Variants in DLGAP2 observed in about 807,000 individuals in gnomAD.
The protein encoded by DLGAP2 is DLG associated protein 2.
Under a neutral mutation model 100.3 loss-of-function variants are expected in DLGAP2, and 26 were observed. That is an observed-to-expected ratio of 0.26 (90% CI 0.19 to 0.36). DLGAP2 has a LOEUF of 0.36. DLGAP2 is among the 10% of genes least tolerant of loss of function. The pLI, the probability that DLGAP2 is intolerant of heterozygous loss-of-function variation, is 1.00. For synonymous variants in DLGAP2, 886 were observed against 630.1 expected (o/e 1.41, Z -6.08); for missense variants, 1,858 against 1,453.2 (o/e 1.28, Z -4.53).
intron 3 of DLGAP2, among the ~76,000 whole-genome samples, chr8:1,308,918 A>T (rs1019874512): frequency 2.0e-5 from 3 of 151,714 alleles, no homozygotes; most frequent in Non-Finnish European, 4.4e-5. Flanking sequence ...GATCCAAATT[A>T]TTTTTTTTTA....
rs146284326 is a variant in DLGAP2, at chr8:1,616,898, C to T, written c.1443-9842C>T. ...TGATCCTCTCCCTCCTTCTAACCTC[C>T]AGGAGGCCCCAGTATGTGTAGTTTT... On this transcript the variant is annotated intron_variant, in intron 6 of 14. Transcript: ENST00000637795. Among the ~76,000 whole-genome samples the T allele has an allele frequency of 3.2e-3, 486 of 152,216 alleles. 4 individuals are homozygous for T. Among genetic ancestry groups the T allele is most frequent in the African/African-American group, 0.011 (449 of 41,528 alleles).
chr8:965,342 C>T (rs1329393533), intron 2 of DLGAP2, among the ~76,000 whole-genome samples: 4 of 99,938 alleles, frequency 4.0e-5, no homozygotes, highest in African/African-American at 8.6e-5. Flanking sequence ...GCACTGTTCA[C>T]CACACAGGGC....
chr8:1,213,291 G>C (rs995556686), intron 2 of DLGAP2, among the ~76,000 whole-genome samples: 1 of 152,100 alleles, frequency 6.6e-6, no homozygotes, highest in Non-Finnish European at 1.5e-5. Context: ...AAACTGAGGA[G>C]GCCCACATTT....
At chr8:1,647,352 C>T (rs938380811) in intron 8 of DLGAP2, among the ~76,000 whole-genome samples, 6 of 151,690 alleles carry the variant, frequency 4.0e-5, no homozygotes, top group African/African-American at 1.4e-4. Context: ...AGCCAGGCGT[C>T]GTGGTGGGTG....
intron 12 of DLGAP2, among the ~76,000 whole-genome samples, chr8:1,690,656 A>C (rs1799234633): frequency 7.5e-6 from 1 of 133,148 alleles, no homozygotes; most frequent in African/African-American, 2.8e-5. Context: ...GTGAGCCAGG[A>C]TTGCGCCACT....
Position 1,315,645 on chromosome 8 carries a change from A to G in DLGAP2, c.106+56762A>G, listed in dbSNP as rs370771407. ...CAGCTTTTAAAAATAGAGCGTGTGC[A>G]AGTACAGCGTCTCTCCAACAGTGGT... On this transcript the variant is annotated intron_variant, in intron 3 of 14. Transcript: ENST00000637795. Among the ~76,000 whole-genome samples, 103 of 95,210 alleles carry G rather than the reference A, an allele frequency of 1.1e-3. 2 individuals are homozygous for G. The highest frequency in any genetic ancestry group is 2.4e-3 in the African/African-American group (53 of 22,174). The allele number at this position is 95,210 out of a possible 152,430, so 62.5% of individuals were successfully genotyped here.
At chr8:1,272,918 T>G (rs912227354) in intron 3 of DLGAP2, among the ~76,000 whole-genome samples, 1 of 152,052 alleles carries the variant, frequency 6.6e-6, no homozygotes, top group African/African-American at 2.4e-5. Context: ...CATGACCACG[T>G]AAAAGGTGAA....
intron 3 of DLGAP2, among the ~76,000 whole-genome samples, chr8:1,472,249 A>T (rs532070867): frequency 9.2e-5 from 14 of 152,284 alleles, no homozygotes; most frequent in Admixed American, 2.0e-4. Context: ...GGGTTGAGCC[A>T]TGCGGTAGAG....
At chr8:744,467 C>T (rs1820565323) in intron 1 of DLGAP2, among the ~76,000 whole-genome samples, 1 of 152,218 alleles carries the variant, frequency 6.6e-6, no homozygotes, top group African/African-American at 2.4e-5. Context: ...CCAGCCCAAC[C>T]TGCGTCCCTC....
rs56237518 is a variant in DLGAP2 at position 1,179,547 on chromosome 8, C to G, written c.74-79304C>G. Among the ~76,000 whole-genome samples, 653 of 152,358 alleles carry G rather than the reference C, an allele frequency of 4.3e-3. 4 individuals carry two copies. Among genetic ancestry groups the G allele is most frequent in the African/African-American group, 0.013 (560 of 41,584 alleles). On this transcript the variant is annotated intron_variant, in intron 2 of 14. Coordinates refer to ENST00000637795, the MANE Select transcript of DLGAP2 (RefSeq NM_001346810.2). ...AGGCTTCCACCTCTCTCCAAGTTTC[C>G]TTTTACTCAAGACGGTGGAATTAAT... is the stretch of plus-strand genomic sequence containing the variant.
intron 3 of DLGAP2, among the ~76,000 whole-genome samples, chr8:1,464,235 C>CA (rs1563164743): frequency 2.3e-5 from 3 of 128,580 alleles, no homozygotes; most frequent in Non-Finnish European, 3.5e-5. Flanking sequence ...CCTTCCAGGA[C>CA]GACACCCTTC....
At chr8:1,061,285 G>A (rs960716290) in intron 2 of DLGAP2, among the ~76,000 whole-genome samples, 17 of 152,066 alleles carry the variant, frequency 1.1e-4, no homozygotes, top group Non-Finnish European at 1.9e-4. Context: ...AAATATGCCC[G>A]AACACCTGCC....
Position 1,346,693 on chromosome 8 carries a change from A to G in DLGAP2, c.106+87810A>G, listed in dbSNP as rs566064170. ...GAGTTCCCATACAGAGCTGCTTTAA[A>G]CTCATGGTAGCTGTGTGGAGGTTGA... On this transcript the variant is annotated intron_variant, in intron 3 of 14. Transcript: ENST00000637795. 2.4e-5 allele frequency among the ~76,000 whole-genome samples: 2 copies of G among 84,428 alleles called. 1 individual carries two copies. Among genetic ancestry groups the G allele is most frequent in the South Asian group, 7.2e-4 (2 of 2,784 alleles). The allele number at this position is 84,428 out of a possible 152,430, so 55.4% of individuals were successfully genotyped here. A position where few individuals can be genotyped will look rare whatever the true frequency, so the allele number is the denominator to read the frequency against.
At chr8:1,025,564 C>T (rs575873749) in intron 2 of DLGAP2, among the ~76,000 whole-genome samples, 10 of 152,118 alleles carry the variant, frequency 6.6e-5, no homozygotes, top group Non-Finnish European at 1.5e-4. Context: ...ATCGATATGG[C>T]GGAGAGCAGC....
chr8:1,352,192 CGGGTCCTG>C (rs1801747677), intron 3 of DLGAP2, among the ~76,000 whole-genome samples: 1 of 115,428 alleles, frequency 8.7e-6, no homozygotes, highest in Admixed American at 9.7e-5. Context: ...ATAGGCTGTG[CGGGTCCTG>C]ACTGTGTGTG....
chr8:1,656,424 T>C (rs1169427265), intron 8 of DLGAP2, among the ~76,000 whole-genome samples: 2 of 152,138 alleles, frequency 1.3e-5, no homozygotes, highest in African/African-American at 4.8e-5. Context: ...AATGTAGGCA[T>C]TTTCAATGGG....
chr8:1,218,555 A>G (rs1449475221), intron 2 of DLGAP2, among the ~76,000 whole-genome samples: 1 of 151,868 alleles, frequency 6.6e-6, no homozygotes, highest in Non-Finnish European at 1.5e-5. Flanking sequence ...TATAGTTTGA[A>G]GTTGAGTAAT....
chr8:1,101,723 C>T (rs550831447), intron 2 of DLGAP2, among the ~76,000 whole-genome samples: 5 of 128,332 alleles, frequency 3.9e-5, no homozygotes, highest in Admixed American at 3.1e-4. Flanking sequence ...GAGCCGAACA[C>T]GACACGACGA....
intron 2 of DLGAP2, among the ~76,000 whole-genome samples, chr8:1,192,145 C>T (rs954690401): frequency 2.6e-5 from 4 of 152,094 alleles, no homozygotes; most frequent in Admixed American, 1.3e-4. Flanking sequence ...AACTGGCTGC[C>T]GTGATGGGCT....
Sources: gnomAD v4.1 joint callset for allele counts (sites outside exome capture counted in the v4.1 genomes callset) on GRCh38, gnomAD v4.1.1 for gene constraint, MANE v1.5 for transcripts, NCBI Gene and HGNC (gene_info 2026-07-23, HGNC 2026-07-21) for gene names.